The following PRKX variants were observed in gnomAD, a reference collection of about 807,000 sequenced individuals.
The protein encoded by PRKX is cAMP-dependent protein kinase catalytic subunit PRKX.
PRKX carries 12 observed loss-of-function variants against 22.0 expected under a neutral mutation model. The observed-to-expected ratio is 0.54, with a 90% CI of 0.35 to 0.88. PRKX has a LOEUF of 0.88. Ranked by LOEUF, PRKX falls within the 40% of genes least tolerant of loss-of-function variation. The pLI is 0.01. For synonymous variants in PRKX, 134 were observed against 137.7 expected (o/e 0.97, Z 0.19); for missense variants, 217 against 308.0 (o/e 0.70, Z 2.21).
intron 1 of PRKX, among the ~76,000 whole-genome samples, chrX:3,704,246 C>G (rs181352123): frequency 2.7e-5 from 3 of 111,879 alleles, no homozygotes; most frequent in Non-Finnish European, 5.6e-5. Context: ...CAAGTTTACC[C>G]GCACACACGT....
chrX:3,698,581 T>C (rs772782143), intron 1 of PRKX, among the ~76,000 whole-genome samples: 28 of 111,658 alleles, frequency 2.5e-4, no homozygotes, highest in Middle Eastern at 4.7e-3. Flanking sequence ...TGTTTTTGTG[T>C]GTGTGTGTAT....
At chrX:3,670,069 C>A (rs969269627) in intron 2 of PRKX, 1 of 123,982 alleles carries the variant, frequency 8.1e-6, no homozygotes, top group African/African-American at 3.2e-5. Context: ...ACTCCTCCAG[C>A]CATAAATGGG....
chrX:3,642,226 C>T (rs1041838168), intron 3 of PRKX, among the ~76,000 whole-genome samples: 4 of 110,447 alleles, frequency 3.6e-5, no homozygotes, highest in African/African-American at 6.6e-5. Context: ...GTACTGTTAC[C>T]ACTGTTACTC....
At chrX:3,681,857 C>T (rs1928079790) in intron 1 of PRKX, among the ~76,000 whole-genome samples, 1 of 109,841 alleles carries the variant, frequency 9.1e-6, no homozygotes, top group South Asian at 4.0e-4. Context: ...AGGAAGGAGG[C>T]GGCCAGCAGA....
In PRKX at chrX:3,677,322, T is replaced by C. The variant is rs199971145; in HGVS notation, c.167-2556A>G. Among the ~76,000 whole-genome samples, 10 of 52,259 alleles carry C rather than the reference T, an allele frequency of 1.9e-4. 1 individual carries two copies. Among genetic ancestry groups the C allele is most frequent in the Admixed American group, 3.0e-4 (2 of 6,654 alleles). 45.4% of individuals were successfully genotyped at this position (52,259 alleles called of 115,157 possible). On this transcript the variant is annotated intron_variant, in intron 1 of 8. Transcript: ENST00000262848. The stretch of plus-strand genomic sequence containing the variant: ...TAGAGGGTAGATCACATTATATTGT[T>C]TTGTCTTTTTTTTTTTTTTTTTTTG...
chrX:3,648,451 G>T lies in PRKX; in HGVS notation c.600-6480C>A, dbSNP rs1252180858. 2.7e-5 allele frequency among the ~76,000 whole-genome samples: 3 copies of T among 109,262 alleles called. No homozygotes were observed. The East Asian group carries it at 8.6e-4, about 31-fold the overall frequency. 94.9% of individuals were successfully genotyped at this position (109,262 alleles called of 115,157 possible). A position where few individuals can be genotyped will look rare whatever the true frequency, so the allele number is the denominator to read the frequency against. On this transcript the variant is annotated intron_variant, in intron 3 of 8. Coordinates refer to ENST00000262848, the MANE Select transcript of PRKX (RefSeq NM_005044.5). The stretch of plus-strand genomic sequence containing the variant: ...GCACTGAAGTTCTTTTTTAAAGGGA[G>T]TTATCTGTTAAAGATAGGATAAAGT...
intron 4 of PRKX, among the ~76,000 whole-genome samples, chrX:3,633,409 A>T (rs1926826812): frequency 9.2e-6 from 1 of 108,789 alleles, no homozygotes; most frequent in South Asian, 4.0e-4. Flanking sequence ...AAAAAATTTT[A>T]AAAAATTAGC....
intron 1 of PRKX, among the ~76,000 whole-genome samples, chrX:3,689,297 C>G (rs1479962169): frequency 2.7e-5 from 3 of 112,396 alleles, no homozygotes; most frequent in Non-Finnish European, 5.6e-5. Flanking sequence ...TTCTTCTTTA[C>G]GAAGTCGATT....
intron 4 of PRKX, among the ~76,000 whole-genome samples, chrX:3,635,659 C>T (rs1926872668): frequency 9.0e-6 from 1 of 111,615 alleles, no homozygotes; most frequent in Non-Finnish European, 1.9e-5. Flanking sequence ...GCAATCTCAG[C>T]TCACTGCAGC....
chrX:3,689,789 A>C (rs932864571), intron 1 of PRKX, among the ~76,000 whole-genome samples: 1 of 111,713 alleles, frequency 9.0e-6, no homozygotes, highest in African/African-American at 3.3e-5. Flanking sequence ...CATCCTGGCT[A>C]ACACGGTGAA....
intron 1 of PRKX, among the ~76,000 whole-genome samples, chrX:3,700,583 C>A (rs1446523346): frequency 1.1e-5 from 1 of 92,252 alleles, no homozygotes; most frequent in East Asian, 3.3e-4. Flanking sequence ...TCTCTTTTTT[C>A]TTTTCTTTCT....
At chrX:3,688,617 C>T (rs1928229606) in intron 1 of PRKX, among the ~76,000 whole-genome samples, 1 of 110,607 alleles carries the variant, frequency 9.0e-6, no homozygotes, top group South Asian at 3.9e-4. Flanking sequence ...AATCCCAGCA[C>T]TTTAGAAGGC....
intron 1 of PRKX, among the ~76,000 whole-genome samples, chrX:3,675,764 C>T (rs1209268464): frequency 1.8e-5 from 2 of 111,346 alleles, no homozygotes; most frequent in Non-Finnish European, 3.8e-5. Flanking sequence ...AAGGTGTGCA[C>T]GTGTTCACGC....
rs369836042 is a variant in PRKX at position 3,689,741 on chromosome X, G to A, written c.167-14975C>T. 7.0e-3 allele frequency among the ~76,000 whole-genome samples: 777 copies of A among 111,757 alleles called. 3 individuals are homozygous for A. Among genetic ancestry groups the A allele is most frequent in the African/African-American group, 0.022 (682 of 30,772 alleles). On this transcript the variant is annotated intron_variant, in intron 1 of 8. Transcript: ENST00000262848. ...ACCTGTAATCCCAACACTTTGGGAG[G>A]CCAAGGCGGGCGGATCACAAGGTCA...
chrX:3,701,772 C>T (rs1020686741), intron 1 of PRKX, among the ~76,000 whole-genome samples: 1 of 111,539 alleles, frequency 9.0e-6, no homozygotes, highest in African/African-American at 3.3e-5. Flanking sequence ...GGCCAAATCC[C>T]ACCCAAACCA....
At chrX:3,690,643 G>A (rs1357906627) in intron 1 of PRKX, among the ~76,000 whole-genome samples, 2 of 111,133 alleles carry the variant, frequency 1.8e-5, no homozygotes, top group African/African-American at 3.3e-5. Flanking sequence ...GAGGCAGGAG[G>A]ATCACTTGAG....
chrX:3,708,719 C>G (rs1928728846), intron 1 of PRKX, among the ~76,000 whole-genome samples: 1 of 109,461 alleles, frequency 9.1e-6, no homozygotes, highest in African/African-American at 3.3e-5. Flanking sequence ...ATAAAATTAG[C>G]CAGGCATGGT....
At chrX:3,691,539 C>T (rs1273470381) in intron 1 of PRKX, among the ~76,000 whole-genome samples, 3 of 110,103 alleles carry the variant, frequency 2.7e-5, no homozygotes, top group Non-Finnish European at 5.7e-5. Context: ...GCAACAATCC[C>T]GCAGGACTCC....
chrX:3,702,508 C>T (rs1054162859), intron 1 of PRKX, among the ~76,000 whole-genome samples: 2 of 106,906 alleles, frequency 1.9e-5, no homozygotes, highest in Non-Finnish European at 3.9e-5. Context: ...CCACACACAA[C>T]GCATGCTAAG....
Sources: allele counts gnomAD v4.1 joint callset (sites outside exome capture counted in the v4.1 genomes callset), GRCh38; gene constraint gnomAD v4.1.1; transcripts MANE v1.5; gene names NCBI Gene and HGNC (gene_info 2026-07-23, HGNC 2026-07-21).